INPP5A: variants seen among roughly 807,000 people sequenced by gnomAD.
INPP5A encodes 43 kDa inositol polyphosphate 5-phophatase.
In INPP5A, 14 loss-of-function variants were observed where a neutral mutation model predicts 65.2. The ratio of observed to expected loss-of-function variants is 0.21; its 90% CI spans 0.14 to 0.34. The LOEUF is 0.34. Ranked by LOEUF, INPP5A falls within the 10% of genes least tolerant of loss-of-function variation. The pLI is 1.00. For synonymous variants in INPP5A, 207 were observed against 208.3 expected, an observed-to-expected ratio of 0.99 and a Z score of 0.05; for missense variants, 431 against 545.6, an observed-to-expected ratio of 0.79 and a Z score of 2.09.
chr10:132,642,458 G>A (rs563556601), intron 2 of INPP5A, among the ~76,000 whole-genome samples: 3 of 152,330 alleles, frequency 2.0e-5, no homozygotes, highest in East Asian at 1.9e-4. Context: ...TTTCTCCACC[G>A]CCTTACTCCT....
At position 132,550,880 on chromosome 10, in the gene INPP5A, T is replaced by C. The variant is rs78703625; in HGVS notation, c.75+12709T>C. 0.024 allele frequency among the ~76,000 whole-genome samples: 3,631 copies of C among 152,326 alleles called. 49 individuals carry two copies. The highest frequency in any genetic ancestry group is 0.039 in the Non-Finnish European group (2,650 of 68,012). On this transcript the variant is annotated intron_variant, in intron 1 of 15. Transcript: ENST00000368594. This position sits in a 1 kb window ranked among gnomAD's most constrained non-coding sequence, Gnocchi z 4.2. ...CTCTTTGGCCACCAACTGGCCCCTA[T>C]GGCGTTTGGCCTTCAGGGTGGTCAT... is the stretch of plus-strand genomic sequence containing the variant.
At chr10:132,732,250 GT>G (rs1324346467) in intron 9 of INPP5A, among the ~76,000 whole-genome samples, 1 of 152,240 alleles carries the variant, frequency 6.6e-6, no homozygotes, top group African/African-American at 2.4e-5. Context: ...AAAATGAATA[GT>G]TTTAAACTGG....
chr10:132,561,052 CTT>C (rs758540879), intron 1 of INPP5A, among the ~76,000 whole-genome samples: 2,954 of 126,858 alleles, frequency 0.023, 30 homozygotes, highest in Admixed American at 0.039. Context: ...GTTTGAAGCA[CTT>C]TTTTTTTTTT....
intron 11 of INPP5A, among the ~76,000 whole-genome samples, chr10:132,752,521 G>A (rs1564999903): frequency 6.9e-6 from 1 of 145,558 alleles, no homozygotes; most frequent in Admixed American, 6.8e-5. Context: ...GGCGTGGCGT[G>A]GAGGAGGTGT....
chr10:132,584,795 G>A (rs1286135768), intron 1 of INPP5A, among the ~76,000 whole-genome samples: 1 of 152,112 alleles, frequency 6.6e-6, no homozygotes, highest in East Asian at 1.9e-4. Flanking sequence ...GAGTGCAGTG[G>A]CCCACTCACA....
intron 4 of INPP5A, among the ~76,000 whole-genome samples, chr10:132,685,188 C>T (rs935067476): frequency 2.0e-5 from 3 of 152,356 alleles, no homozygotes; most frequent in Admixed American, 6.5e-5. Flanking sequence ...TAAGCACGGT[C>T]GGCCTTAGTC....
intron 1 of INPP5A, among the ~76,000 whole-genome samples, chr10:132,581,503 C>CT (rs1392722964): frequency 6.6e-6 from 1 of 152,200 alleles, no homozygotes; most frequent in Non-Finnish European, 1.5e-5. Context: ...GTCTCTTCCT[C>CT]TGACAGTGCG....
At chr10:132,714,399 C>T (rs1845703609) in intron 8 of INPP5A, among the ~76,000 whole-genome samples, 1 of 152,226 alleles carries the variant, frequency 6.6e-6, no homozygotes, top group Non-Finnish European at 1.5e-5. Flanking sequence ...CTGTGCGGAT[C>T]GGGCAGGACA....
At chr10:132,631,256 C>T (rs571487324) in intron 2 of INPP5A, among the ~76,000 whole-genome samples, 21 of 152,292 alleles carry the variant, frequency 1.4e-4, no homozygotes, top group African/African-American at 3.1e-4. Context: ...CCATCGGCTG[C>T]GCCTTGAGGA....
At chr10:132,634,120 C>CT (rs1214022031) in intron 2 of INPP5A, among the ~76,000 whole-genome samples, 1 of 152,228 alleles carries the variant, frequency 6.6e-6, no homozygotes. Context: ...TTTAGATGTT[C>CT]TCAGTTGTCT....
chr10:132,713,565 G>A (rs1845688100), intron 8 of INPP5A, among the ~76,000 whole-genome samples: 1 of 152,124 alleles, frequency 6.6e-6, no homozygotes, highest in Non-Finnish European at 1.5e-5. Context: ...AGGGCCCTGA[G>A]GCGTGGCCCC....
rs138835377 is a variant in INPP5A at position 132,650,829 on chromosome 10, G to A, written c.306+324G>A. On this transcript the variant is annotated intron_variant, in intron 4 of 15. Coordinates refer to ENST00000368594, the MANE Select transcript of INPP5A (RefSeq NM_005539.5). The surrounding 1 kb of genome is among the most constrained non-coding windows in gnomAD (Gnocchi z 5.5). ...TAAGAGGGAGTCCGGGGCTCCAGGC[G>A]TGTAGATGAGAGGTTGGACAGCAGC... 3.8e-3 allele frequency among the ~76,000 whole-genome samples: 582 copies of A among 152,284 alleles called. 8 individuals carry two copies. Among genetic ancestry groups the A allele is most frequent in the East Asian group, 6.0e-3 (31 of 5,174 alleles).
At chr10:132,721,854 G>A (rs1301275145) in intron 8 of INPP5A, among the ~76,000 whole-genome samples, 1 of 152,218 alleles carries the variant, frequency 6.6e-6, no homozygotes, top group Non-Finnish European at 1.5e-5. Flanking sequence ...CTGCGTCTGT[G>A]GTGCTGGGAG....
chr10:132,542,642 C>T (rs188372979), intron 1 of INPP5A, among the ~76,000 whole-genome samples: 1 of 152,156 alleles, frequency 6.6e-6, no homozygotes, highest in Non-Finnish European at 1.5e-5. Flanking sequence ...CACTCCTGCA[C>T]AGCAGGGCCC....
rs925095885 is a variant in INPP5A, at chr10:132,637,148, C to A, written c.118-8720C>A. ...GGCCAGGATGGTCTTGATCTCCTGACCTTGTGGTTGATCCGCCCGCTGCCT... is the reference window on the plus strand; with the variant it reads ...GGCCAGGATGGTCTTGATCTCCTGAACTTGTGGTTGATCCGCCCGCTGCCT... On this transcript the variant is annotated intron_variant, in intron 2 of 15. Coordinates refer to ENST00000368594, the MANE Select transcript of INPP5A (RefSeq NM_005539.5). The surrounding 1 kb of genome is among the most constrained non-coding windows in gnomAD (Gnocchi z 4.1). Among the ~76,000 whole-genome samples the A allele has an allele frequency of 2.6e-5, 4 of 152,184 alleles. No individual in the cohort carries two copies. The highest frequency in any genetic ancestry group is 9.7e-5 in the African/African-American group (4 of 41,440).
chr10:132,663,993 C>T lies in INPP5A; in HGVS notation c.306+13488C>T, dbSNP rs59032918. Among the ~76,000 whole-genome samples the T allele has an allele frequency of 4.0e-3, 615 of 152,320 alleles. 2 individuals are homozygous for T. Among genetic ancestry groups the T allele is most frequent in the African/African-American group, 0.014 (583 of 41,556 alleles). On this transcript the variant is annotated intron_variant, in intron 4 of 15. Transcript: ENST00000368594. This position sits in a 1 kb window ranked among gnomAD's most constrained non-coding sequence, Gnocchi z 4.5. Reference sequence around the variant, plus strand: ...CAGCCCAGGAAACAAACACGCCGCGCGAAAGGTATTGGTGAACGAACTGAA... The same window carrying T: ...CAGCCCAGGAAACAAACACGCCGCGTGAAAGGTATTGGTGAACGAACTGAA...
intron 12 of INPP5A, among the ~76,000 whole-genome samples, chr10:132,773,281 T>A (rs143539164): frequency 1.3e-5 from 2 of 152,266 alleles, no homozygotes; most frequent in African/African-American, 4.8e-5. Flanking sequence ...TGGGAAAAAA[T>A]CACTCCTTCC....
At chr10:132,662,135 A>G (rs2072744484) in intron 4 of INPP5A, among the ~76,000 whole-genome samples, 2 of 152,234 alleles carry the variant, frequency 1.3e-5, no homozygotes, top group African/African-American at 4.8e-5. Context: ...GAAACCAGTC[A>G]GTTGGACCTA....
At chr10:132,635,615 T>C (rs1402706417) in intron 2 of INPP5A, among the ~76,000 whole-genome samples, 2 of 151,764 alleles carry the variant, frequency 1.3e-5, no homozygotes, top group Non-Finnish European at 2.9e-5. Context: ...CAGGATGGTC[T>C]CGATCTCCTG....
Sources: allele counts gnomAD v4.1 joint callset (sites outside exome capture counted in the v4.1 genomes callset), GRCh38; gene constraint gnomAD v4.1.1; non-coding constraint Gnocchi (gnomAD v3.1); transcripts MANE v1.5; gene names NCBI Gene and HGNC (gene_info 2026-07-23, HGNC 2026-07-21).